The following ROBO1 variants were observed in gnomAD, a reference collection of about 807,000 sequenced individuals.
ROBO1 encodes the protein roundabout guidance receptor 1.
A neutral mutation model predicts 195.9 loss-of-function variants in ROBO1; 149 were observed. The ratio of observed to expected loss-of-function variants is 0.76; its 90% CI spans 0.67 to 0.87. ROBO1 has a LOEUF of 0.87. Among genes scored for constraint, ROBO1 ranks in the 40% least tolerant of loss-of-function variants. The pLI is 0.00. For synonymous variants in ROBO1, 816 were observed against 733.2 expected (o/e 1.11, Z -1.82); for missense variants, 1,933 against 2,068.3 (o/e 0.93, Z 1.27).
At chr3:79,374,843 T>TC (rs1314900582) in intron 2 of ROBO1, among the ~76,000 whole-genome samples, 3 of 151,964 alleles carry the variant, frequency 2.0e-5, no homozygotes, top group South Asian at 4.1e-4. Flanking sequence ...GTATTCCATT[T>TC]TTTTCTAATT....
rs1229606894 is a variant in ROBO1, at chr3:78,904,772, A to C, written c.499+33829T>G. 4.6e-5 allele frequency among the ~76,000 whole-genome samples: 7 copies of C among 151,148 alleles called. No homozygotes were observed. The East Asian group carries it at 1.4e-3, about 29-fold the overall frequency. On this transcript the variant is annotated intron_variant, in intron 4 of 30. Transcript: ENST00000464233. Reference sequence around the variant, plus strand: ...TATATATGTGTGTATATATATGTATAGGTATATATGTATACATTTGCTGAT... The same window carrying C: ...TATATATGTGTGTATATATATGTATCGGTATATATGTATACATTTGCTGAT...
chr3:79,501,816 C>T (rs1279026981), intron 2 of ROBO1, among the ~76,000 whole-genome samples: 1 of 152,160 alleles, frequency 6.6e-6, no homozygotes. Flanking sequence ...ATACATGCTT[C>T]CAAGGCCATG....
intron 4 of ROBO1, among the ~76,000 whole-genome samples, chr3:78,916,255 A>AAC (rs1476772550): frequency 1.4e-5 from 2 of 143,318 alleles, no homozygotes; most frequent in African/African-American, 2.6e-5. Context: ...CAAAAAAAAA[A>AAC]AAAAAAACAA....
At chr3:79,347,694 T>C (rs2035178584) in intron 2 of ROBO1, among the ~76,000 whole-genome samples, 1 of 152,176 alleles carries the variant, frequency 6.6e-6, no homozygotes, top group Non-Finnish European at 1.5e-5. Flanking sequence ...AAAGAATACT[T>C]GGCAAGTAGG....
chr3:79,400,151 C>T (rs1287404626), intron 2 of ROBO1, among the ~76,000 whole-genome samples: 1 of 152,154 alleles, frequency 6.6e-6, no homozygotes, highest in Non-Finnish European at 1.5e-5. Context: ...TAGAAAAATA[C>T]TGCAATCAGC....
chr3:79,275,785 G>T (rs1305402889), intron 2 of ROBO1, among the ~76,000 whole-genome samples: 1 of 151,840 alleles, frequency 6.6e-6, no homozygotes, highest in Non-Finnish European at 1.5e-5. Context: ...CAGTAAAATT[G>T]CAGGATACGA....
chr3:78,695,644 G>A (rs60637990), intron 8 of ROBO1, among the ~76,000 whole-genome samples: 11,314 of 92,262 alleles, frequency 0.12, 1,258 homozygotes, highest in African/African-American at 0.32. Flanking sequence ...AAAAAAAAAA[G>A]AAAAGAAAAC....
intron 1 of ROBO1, among the ~76,000 whole-genome samples, chr3:79,730,768 CTTTTTTTTTTTTTT>C (rs66527491): frequency 4.2e-5 from 4 of 95,518 alleles, no homozygotes; most frequent in African/African-American, 1.2e-4. Flanking sequence ...CCTGTATTTC[CTTTTTTTTTTTTTT>C]TTTTTTTTTT....
intron 2 of ROBO1, among the ~76,000 whole-genome samples, chr3:79,557,888 CAT>C (rs1942771059): frequency 6.6e-6 from 1 of 151,490 alleles, no homozygotes; most frequent in African/African-American, 2.4e-5. Flanking sequence ...AAAAGAGAAA[CAT>C]GTCTGTTAAA....
intron 3 of ROBO1, among the ~76,000 whole-genome samples, chr3:78,967,640 G>A (rs1186014053): frequency 3.3e-5 from 5 of 151,984 alleles, no homozygotes; most frequent in Admixed American, 6.5e-5. Flanking sequence ...TTCATTATTT[G>A]TGGAGTTCTA....
At chr3:79,280,062 T>C (rs1352426107) in intron 2 of ROBO1, among the ~76,000 whole-genome samples, 1 of 152,044 alleles carries the variant, frequency 6.6e-6, no homozygotes, top group Non-Finnish European at 1.5e-5. Context: ...CTCATAGAAG[T>C]ATTGTAGAAG....
intron 2 of ROBO1, among the ~76,000 whole-genome samples, chr3:79,398,183 C>T (rs1452388129): frequency 1.3e-5 from 2 of 152,076 alleles, no homozygotes; most frequent in African/African-American, 4.8e-5. Context: ...TTGGTCTCAA[C>T]ACACCCTTAT....
chr3:79,385,162 T>C (rs967200499), intron 2 of ROBO1, among the ~76,000 whole-genome samples: 1 of 152,082 alleles, frequency 6.6e-6, no homozygotes, highest in Non-Finnish European at 1.5e-5. Flanking sequence ...TCTTTAGGAA[T>C]TTCACTATTT....
At chr3:79,412,357 T>G (rs771134999) in intron 2 of ROBO1, among the ~76,000 whole-genome samples, 7 of 152,158 alleles carry the variant, frequency 4.6e-5, no homozygotes, top group Non-Finnish European at 7.4e-5. Flanking sequence ...TTCTTCCATA[T>G]GTTTGTCAAC....
chr3:79,213,828 T>C (rs954714267), intron 2 of ROBO1, among the ~76,000 whole-genome samples: 7 of 144,948 alleles, frequency 4.8e-5, no homozygotes, highest in African/African-American at 1.8e-4. Context: ...TTTTTTTTTT[T>C]TTTTTTTTTT....
At chr3:79,692,567 C>T (rs1039960157) in intron 1 of ROBO1, among the ~76,000 whole-genome samples, 4 of 151,754 alleles carry the variant, frequency 2.6e-5, no homozygotes, top group African/African-American at 9.7e-5. Flanking sequence ...AAGAAAGACA[C>T]AGGAAGACAA....
chr3:79,403,686 A>AT (rs1255005863), intron 2 of ROBO1, among the ~76,000 whole-genome samples: 8 of 152,028 alleles, frequency 5.3e-5, no homozygotes, highest in East Asian at 1.9e-4. Context: ...GAAAATAGTG[A>AT]TTTTCCAGAA....
At chr3:79,578,251 A>G (rs140862347) in intron 2 of ROBO1, among the ~76,000 whole-genome samples, 289 of 152,336 alleles carry the variant, frequency 1.9e-3, no homozygotes, top group African/African-American at 5.3e-3. Flanking sequence ...AGCTAAACTT[A>G]GTCTTACAAT....
At chr3:79,457,226 C>T (rs2039645046) in intron 2 of ROBO1, among the ~76,000 whole-genome samples, 1 of 152,118 alleles carries the variant, frequency 6.6e-6, no homozygotes, top group African/African-American at 2.4e-5. Context: ...AATCAGCATT[C>T]ATCAACTGAA....
Sources: allele counts gnomAD v4.1 joint callset (sites outside exome capture counted in the v4.1 genomes callset), GRCh38; gene constraint gnomAD v4.1.1; transcripts MANE v1.5; gene names NCBI Gene and HGNC (gene_info 2026-07-23, HGNC 2026-07-21).